The following SPMIP7 variants were observed in gnomAD, a reference collection of about 807,000 sequenced individuals.
The protein encoded by SPMIP7 is sperm microtubule inner protein 7.
the SPMIP7 span, among the ~76,000 whole-genome samples, chr7:50,105,447 C>G: frequency 6.6e-6 from 1 of 152,118 alleles, no homozygotes; most frequent in East Asian, 1.9e-4. Flanking sequence ...GAGAATTTAC[C>G]TGTATAGTGC....
the SPMIP7 span, among the ~76,000 whole-genome samples, chr7:50,111,719 C>A: frequency 9.2e-5 from 14 of 152,264 alleles, no homozygotes; most frequent in African/African-American, 3.4e-4. Context: ...TTCTGTTGCA[C>A]TTACTATCTA....
chr7:50,140,165 T>G, the SPMIP7 span: 2 of 1,506,902 alleles, frequency 1.3e-6, no homozygotes, highest in Non-Finnish European at 1.8e-6. Flanking sequence ...TAGAAGTAAA[T>G]ATATTCCTCT....
the SPMIP7 span, among the ~76,000 whole-genome samples, chr7:50,135,319 A>G: frequency 2.7e-4 from 41 of 152,200 alleles, no homozygotes; most frequent in African/African-American, 9.7e-4. Context: ...GGCTTTTCCC[A>G]TAATGAAGTT....
chr7:50,140,366 TGAAA>T, the SPMIP7 span, among the ~76,000 whole-genome samples: 310 of 151,898 alleles, frequency 2.0e-3, 2 homozygotes, highest in Non-Finnish European at 3.8e-3. Context: ...TTGATTTTGA[TGAAA>T]GAAAGAAAGA....
the SPMIP7 span, chr7:50,141,498 T>G: frequency 1.4e-6 from 1 of 705,654 alleles, no homozygotes; most frequent in Non-Finnish European, 2.5e-6. Context: ...TGAACATTGC[T>G]GAAGAAGAAA....
chr7:50,138,714 A>G, the SPMIP7 span, among the ~76,000 whole-genome samples: 2 of 152,208 alleles, frequency 1.3e-5, no homozygotes, highest in Non-Finnish European at 2.9e-5. Context: ...TAAAATCTTT[A>G]ACAATTGCAC....
At chr7:50,121,411 A>G in the SPMIP7 span, 1 of 152,232 alleles carries the variant, frequency 6.6e-6, no homozygotes, top group Non-Finnish European at 1.5e-5. Flanking sequence ...CAATCATAGC[A>G]GCCAAGCTTT....
the SPMIP7 span, among the ~76,000 whole-genome samples, chr7:50,127,392 TA>T: frequency 6.6e-6 from 1 of 150,566 alleles, no homozygotes; most frequent in Non-Finnish European, 1.5e-5. Flanking sequence ...TCAACAAAAG[TA>T]AAAATAGAAA....
the SPMIP7 span, chr7:50,159,130 C>T: frequency 1.9e-6 from 3 of 1,551,846 alleles, no homozygotes; most frequent in South Asian, 2.4e-5. Flanking sequence ...GACCCTACAA[C>T]CCTTTCAACA....
chr7:50,123,370 G>T, the SPMIP7 span, among the ~76,000 whole-genome samples: 3 of 132,522 alleles, frequency 2.3e-5, no homozygotes, highest in East Asian at 7.1e-4. Context: ...TGAACAATGA[G>T]AACACATGGA....
the SPMIP7 span, among the ~76,000 whole-genome samples, chr7:50,147,735 C>T: frequency 1.3e-5 from 2 of 152,088 alleles, no homozygotes; most frequent in East Asian, 1.9e-4. Flanking sequence ...TCTATTTTAT[C>T]ATGTTTGGTT....
the SPMIP7 span, among the ~76,000 whole-genome samples, chr7:50,133,953 A>T: frequency 6.6e-6 from 1 of 152,102 alleles, no homozygotes; most frequent in East Asian, 1.9e-4. Flanking sequence ...TGCTCTGCCT[A>T]CTGTCCAGGG....
the SPMIP7 span, among the ~76,000 whole-genome samples, chr7:50,139,213 G>A: frequency 6.6e-6 from 1 of 151,972 alleles, no homozygotes; most frequent in East Asian, 1.9e-4. Flanking sequence ...GCTGGGTGTG[G>A]TGGCACGTGC....
chr7:50,122,336 A>G, the SPMIP7 span, among the ~76,000 whole-genome samples: 1 of 151,178 alleles, frequency 6.6e-6, no homozygotes, highest in Non-Finnish European at 1.5e-5. Flanking sequence ...TATTTAATAA[A>G]TGGTGCTGGG....
At chr7:50,141,761 G>A in the SPMIP7 span, 59,711 of 126,484 alleles carry the variant, frequency 0.47, 13,559 homozygotes, top group East Asian at 0.72. Context: ...ACGGAGTCTC[G>A]CTCAGTCGCC....
the SPMIP7 span, among the ~76,000 whole-genome samples, chr7:50,150,517 G>C: frequency 6.6e-6 from 1 of 152,176 alleles, no homozygotes; most frequent in Non-Finnish European, 1.5e-5. Context: ...CTCATGATCT[G>C]TAAATGTTGT....
the SPMIP7 span, among the ~76,000 whole-genome samples, chr7:50,125,589 T>C: frequency 1.5e-5 from 2 of 129,260 alleles, no homozygotes; most frequent in Admixed American, 1.5e-4. Flanking sequence ...AAATATGGTG[T>C]GTGTGTGTGT....
the SPMIP7 span, among the ~76,000 whole-genome samples, chr7:50,134,554 CA>C: frequency 6.6e-6 from 1 of 152,092 alleles, no homozygotes; most frequent in Admixed American, 6.6e-5. Flanking sequence ...TTTGGAATTG[CA>C]AGAGAATGAG....
chr7:50,110,112 T>C, the SPMIP7 span, among the ~76,000 whole-genome samples: 6 of 152,042 alleles, frequency 3.9e-5, no homozygotes, highest in Non-Finnish European at 8.8e-5. Context: ...TAAATAAAGC[T>C]TGTATTTAAT....
Sources: allele counts gnomAD v4.1 joint callset (sites outside exome capture counted in the v4.1 genomes callset), GRCh38; gene constraint gnomAD v4.1.1; transcripts MANE v1.5; gene names NCBI Gene and HGNC (gene_info 2026-07-23, HGNC 2026-07-21).